Variants in INO80 observed in about 807,000 individuals in gnomAD.
The protein encoded by INO80 is INO80 complex ATPase subunit, also known as chromatin-remodeling ATPase INO80.
A neutral mutation model predicts 203.4 loss-of-function variants in INO80; 20 were observed. That is an observed-to-expected ratio of 0.10 (90% CI 0.07 to 0.14). The LOEUF is 0.14. INO80 is among the 10% of genes least tolerant of loss of function. The pLI, the probability that INO80 is intolerant of heterozygous loss-of-function variation, is 1.00. For synonymous variants in INO80, 726 were observed against 685.2 expected (o/e 1.06, Z -0.93); for missense variants, 1,419 against 1,914.4 (o/e 0.74, Z 4.83).
At chr15:40,990,112 TAAAA>T (rs990443560) in intron 29 of INO80, among the ~76,000 whole-genome samples, 1 of 145,896 alleles carries the variant, frequency 6.9e-6, no homozygotes, top group Non-Finnish European at 1.5e-5. Context: ...CACTGAATTC[TAAAA>T]AAAAAAAAAT....
chr15:40,982,668 C>G (rs1893872604), intron 35 of INO80, among the ~76,000 whole-genome samples, 194 bp downstream of exon 35: 1 of 152,134 alleles, frequency 6.6e-6, no homozygotes, highest in African/African-American at 2.4e-5. Flanking sequence ...ACTTCCAATC[C>G]ACAGACAGCC....
At chr15:40,984,504 A>AG in intron 32 of INO80, 152 bp from the exon 33 acceptor site, 1 of 692,578 alleles carries the variant, frequency 1.4e-6, no homozygotes, top group South Asian at 2.0e-5. Context: ...TGCATAAGGA[A>AG]GAAGGGATAG....
chr15:40,991,839 T>C (rs1235446231), intron 29 of INO80, among the ~76,000 whole-genome samples: 2 of 151,800 alleles, frequency 1.3e-5, no homozygotes, highest in African/African-American at 2.4e-5. Flanking sequence ...AGTGGCAAGA[T>C]CTTGACTCAC....
chr15:41,072,204 G>A (rs748997854), intron 11 of INO80, 146 bp from the exon 12 acceptor site: 4 of 554,762 alleles, frequency 7.2e-6, no homozygotes, highest in Non-Finnish European at 1.2e-5. Context: ...ATATAACGTA[G>A]TATCATATGA....
intron 7 of INO80, among the ~76,000 whole-genome samples, chr15:41,081,377 C>T (rs1480288603): frequency 6.6e-6 from 1 of 152,106 alleles, no homozygotes; most frequent in Non-Finnish European, 1.5e-5. Flanking sequence ...ATACCTAAAC[C>T]TTAGCACTAT....
At chr15:41,114,268 A>G (rs1016185767) in intron 1 of INO80, among the ~76,000 whole-genome samples, 9 of 146,342 alleles carry the variant, frequency 6.1e-5, no homozygotes, top group Non-Finnish European at 1.2e-4. Context: ...CTCCGTCTCA[A>G]AAAACAAAAA....
At chr15:41,014,407 A>G (rs75280163) in intron 27 of INO80, among the ~76,000 whole-genome samples, 4,962 of 152,278 alleles carry the variant, frequency 0.033, 213 homozygotes, top group African/African-American at 0.094. Context: ...CCACTGCAGG[A>G]AAAGTTACTC....
Position 41,092,014 on chromosome 15 carries a change from C to T in INO80, c.537+13G>A. 6.3e-7 allele frequency: 1 copy of T among 1,586,726 alleles called. No individual in the cohort carries two copies. The highest frequency in any genetic ancestry group is 8.6e-7 in the Non-Finnish European group (1 of 1,158,034). ...GAATATTCAGTTTGAAGTGTTTCTC[C>T]TGAAACTCTTACCTCCTTGTCTTTA... On this transcript the variant is annotated intron_variant, in intron 5 of 35. Coordinates refer to ENST00000648947, the MANE Select transcript of INO80 (RefSeq NM_017553.3).
intron 26 of INO80, chr15:41,018,099 TTTCC>T (rs2044237353): frequency 6.6e-6 from 1 of 152,142 alleles, no homozygotes; most frequent in African/African-American, 2.4e-5. Flanking sequence ...GACATACTTC[TTTCC>T]GTTCTCATTA....
intron 26 of INO80, among the ~76,000 whole-genome samples, chr15:41,019,774 T>C (rs2044262026): frequency 6.6e-6 from 1 of 152,224 alleles, no homozygotes; most frequent in Admixed American, 6.5e-5. Flanking sequence ...CTCAAAGCAC[T>C]AACAGGCTGG....
At chr15:41,062,486 T>C (rs886235901) in intron 14 of INO80, among the ~76,000 whole-genome samples, 1 of 151,994 alleles carries the variant, frequency 6.6e-6, no homozygotes, top group African/African-American at 2.4e-5. Flanking sequence ...TGAGTGGAGA[T>C]CACACCACTG....
intron 1 of INO80, among the ~76,000 whole-genome samples, chr15:41,112,415 A>T (rs1489737273): frequency 6.6e-6 from 1 of 152,200 alleles, no homozygotes; most frequent in Non-Finnish European, 1.5e-5. Context: ...GTCTGATATT[A>T]GTGCCTATGC....
intron 11 of INO80, among the ~76,000 whole-genome samples, chr15:41,072,590 G>T (rs909505684): frequency 7.1e-6 from 1 of 140,484 alleles, no homozygotes; most frequent in Non-Finnish European, 1.5e-5. Flanking sequence ...GTGGTGGTGC[G>T]CACCTGTAGT....
At chr15:41,115,674 G>A (rs1463896935) in intron 1 of INO80, among the ~76,000 whole-genome samples, 1 of 152,096 alleles carries the variant, frequency 6.6e-6, no homozygotes, top group African/African-American at 2.4e-5. Context: ...GGTCCCACGT[G>A]CACCTGGTCT....
chr15:41,052,796 G>T (rs113426183), intron 19 of INO80, among the ~76,000 whole-genome samples: 10,579 of 150,142 alleles, frequency 0.07, 1,042 homozygotes, highest in African/African-American at 0.23. Context: ...AGGCCCAGGC[G>T]GGTGAATCCT....
At chr15:41,039,133 C>G (rs1361666964) in intron 24 of INO80, among the ~76,000 whole-genome samples, 1 of 152,172 alleles carries the variant, frequency 6.6e-6, no homozygotes, top group Non-Finnish European at 1.5e-5. Flanking sequence ...CAAATCTCTA[C>G]CACTCAAAAT....
intron 7 of INO80, among the ~76,000 whole-genome samples, chr15:41,083,183 G>A (rs1460041660): frequency 1.3e-5 from 2 of 150,598 alleles, no homozygotes; most frequent in Admixed American, 6.6e-5. Context: ...TACTCCGGAG[G>A]CTGAAGGAGG....
chr15:41,049,857 G>C, intron 20 of INO80, 78 bp downstream of exon 20: 2 of 1,358,402 alleles, frequency 1.5e-6, no homozygotes, highest in Non-Finnish European at 2.0e-6. Flanking sequence ...TTGCACTCCA[G>C]CCTGGGCAAC....
Position 41,005,273 on chromosome 15 carries a change from C to T in INO80, c.3497+320G>A, listed in dbSNP as rs149907003. ...ATACAGGCTGGTGGATTTTTTTCTA[C>T]ATACCTATTATCCATTGAGGAGGAT... On this transcript the variant is annotated intron_variant, in intron 28 of 35. Transcript: ENST00000648947. The T allele has an allele frequency of 6.2e-4, 112 of 181,460 alleles. 1 individual carries two copies. The East Asian group carries it at 8.9e-3, about 14-fold the overall frequency. The allele number at this position is 181,460 out of a possible 1,614,324, so 11.2% of individuals were successfully genotyped here.
Sources: gnomAD v4.1 joint callset for allele counts (sites outside exome capture counted in the v4.1 genomes callset) on GRCh38, gnomAD v4.1.1 for gene constraint, MANE v1.5 for transcripts, NCBI Gene and HGNC (gene_info 2026-07-23, HGNC 2026-07-21) for gene names.